Variants in CFAP46 observed in about 807,000 individuals in gnomAD.
CFAP46 encodes the protein cilia- and flagella-associated protein 46.
CFAP46 carries 245 observed loss-of-function variants against 325.7 expected under a neutral mutation model. The observed-to-expected ratio is 0.75, with a 90% CI of 0.68 to 0.84. The LOEUF (loss-of-function observed/expected upper bound fraction) is 0.84. CFAP46 is among the 40% of genes least tolerant of loss of function. The probability of loss-of-function intolerance (pLI) is 0.00; values close to 1 mark genes in which losing one functional copy is unlikely to be tolerated. For synonymous variants in CFAP46, 1,523 were observed against 1,495.9 expected (o/e 1.02, Z -0.42); for missense variants, 3,346 against 3,543.0 (o/e 0.94, Z 1.41).
At chr10:132,810,761 C>T (rs913197) in intron 56 of CFAP46, 189 bp downstream of exon 56, 81,489 of 733,826 alleles carry the variant, frequency 0.11, 4,806 homozygotes, top group Non-Finnish European at 0.13. Context: ...GCCAGGGGCC[C>T]GGCTGAGCCG....
At chr10:132,929,462 A>ACTGTGGTG (rs1849858179) in intron 9 of CFAP46, 2 of 741,494 alleles carry the variant, frequency 2.7e-6, no homozygotes, top group East Asian at 5.1e-5. Context: ...TCTAGAAACA[A>ACTGTGGTG]CTGTGGTGCT....
intron 4 of CFAP46, among the ~76,000 whole-genome samples, chr10:132,940,634 G>A (rs1386376229): frequency 6.6e-6 from 1 of 151,926 alleles, no homozygotes; most frequent in Non-Finnish European, 1.5e-5. Flanking sequence ...CTGGAGTGCA[G>A]TGGCGTGATC....
chr10:132,902,785 T>C (rs1201881043), intron 22 of CFAP46, among the ~76,000 whole-genome samples: 1 of 152,254 alleles, frequency 6.6e-6, no homozygotes, highest in African/African-American at 2.4e-5. Flanking sequence ...TTGGGTTTTG[T>C]TCTGACAGGC....
intron 19 of CFAP46, 43 bp downstream of exon 19, chr10:132,912,604 CCTCTCTCT>C (rs59827475): frequency 0.084 from 110,769 of 1,321,212 alleles, 5,479 homozygotes; most frequent in Middle Eastern, 0.099. Flanking sequence ...TCTCCTCTCT[CCTCTCTCT>C]CTCTCTCTCT....
intron 8 of CFAP46, 152 bp downstream of exon 8, chr10:132,934,600 C>T: frequency 1.6e-6 from 1 of 614,762 alleles, no homozygotes; most frequent in Non-Finnish European, 2.9e-6. Flanking sequence ...CCACAAAAGA[C>T]CAGACAGGAC....
At chr10:132,860,357 A>C (rs1406447130) in intron 37 of CFAP46, 60 bp downstream of exon 37, 1 of 1,361,882 alleles carries the variant, frequency 7.3e-7, no homozygotes, top group African/African-American at 1.5e-5. Flanking sequence ...AAAATTGCAG[A>C]TGGAAAAGAG....
intron 1 of CFAP46, 34 bp from the exon 2 acceptor site, chr10:132,942,138 C>A: frequency 6.5e-7 from 1 of 1,550,162 alleles, no homozygotes; most frequent in South Asian, 1.2e-5. Flanking sequence ...AAGGTTTGGT[C>A]ACTGGGCTGG....
chr10:132,909,848 C>T, intron 20 of CFAP46, 71 bp downstream of exon 20: 1 of 1,341,080 alleles, frequency 7.5e-7, no homozygotes, highest in African/African-American at 1.5e-5. Flanking sequence ...GGCCCCACCA[C>T]CCCCGGCTGT....
At chr10:132,940,369 G>T (rs1850077998) in intron 4 of CFAP46, among the ~76,000 whole-genome samples, 1 of 152,044 alleles carries the variant, frequency 6.6e-6, no homozygotes, top group Non-Finnish European at 1.5e-5. Context: ...AATCAGTTTT[G>T]TGCAAGCTTA....
rs146781168 is a variant in CFAP46 at position 132,828,096 on chromosome 10, G to A, written c.7117+5262C>T. ...TGCTCATCGCCCACTGGGTGTCCAG[G>A]TGTCCGTCCTGTGGGTGATGGATCT... On this transcript the variant is annotated intron_variant, in intron 50 of 57. Transcript: ENST00000368586. The surrounding 1 kb of genome is among the most constrained non-coding windows in gnomAD (Gnocchi z 4.9). 3.0e-4 allele frequency among the ~76,000 whole-genome samples: 45 copies of A among 152,334 alleles called. No individual in the cohort carries two copies. In the East Asian group the frequency reaches 6.7e-3, roughly 23 times the overall value.
chr10:132,888,994 G>C (rs1337941521), intron 25 of CFAP46, among the ~76,000 whole-genome samples: 1 of 152,198 alleles, frequency 6.6e-6, no homozygotes, highest in African/African-American at 2.4e-5. Context: ...CCACCCTCTG[G>C]AGCCTTCTCA....
At chr10:132,928,573 G>C (rs1849844994) in intron 9 of CFAP46, among the ~76,000 whole-genome samples, 1 of 152,208 alleles carries the variant, frequency 6.6e-6, no homozygotes. Context: ...CCCCCGTGCT[G>C]AGCCATGGCC....
At chr10:132,934,663 T>G in intron 8 of CFAP46, 89 bp downstream of exon 8, 1 of 919,588 alleles carries the variant, frequency 1.1e-6, no homozygotes, top group Non-Finnish European at 1.7e-6. Flanking sequence ...TCTAGTTGCT[T>G]GTTTTACATT....
chr10:132,938,578 G>T lies in CFAP46; in HGVS notation c.536+11C>A. 5 of 1,611,588 alleles carry T rather than the reference G, an allele frequency of 3.1e-6. No individual in the cohort carries two copies. The highest frequency in any genetic ancestry group is 4.2e-6 in the Non-Finnish European group (5 of 1,179,298). ...CGGGAGGCCACAGAGGGCACGGCGA[G>T]CTCAACTCACAGCATCAGCTCAGCA... On this transcript the variant is annotated intron_variant, in intron 5 of 57. Coordinates refer to ENST00000368586, the MANE Select transcript of CFAP46 (RefSeq NM_001200049.3).
intron 55 of CFAP46, among the ~76,000 whole-genome samples, chr10:132,812,461 G>A (rs1448565848): frequency 6.6e-6 from 1 of 152,196 alleles, no homozygotes; most frequent in East Asian, 1.9e-4. Context: ...CAGCCTTCCT[G>A]GGCTCCTGGG....
At chr10:132,887,442 CCT>C (rs1849163882) in intron 25 of CFAP46, among the ~76,000 whole-genome samples, 1 of 120,272 alleles carries the variant, frequency 8.3e-6, no homozygotes, top group African/African-American at 3.2e-5. Flanking sequence ...TTTCCTCTCC[CCT>C]CTTCTCTCTC....
In CFAP46 at chr10:132,866,109, C is replaced by T; in HGVS notation, c.4806G>A (p.Trp1602Ter). Residue 1602 changes from tryptophan to a stop codon, truncating the protein, a stop_gained, in exon 35 of 58, where the codon TGG (tryptophan) becomes TGA (stop). Transcript: ENST00000368586. LOFTEE classifies it high-confidence loss of function. ...CCAGCAGAACTTCTGCCTTCAGCAT[C>T]CACAGGTGGGGAAAGGACGTCCCAT... ...DLDGTSFPHLWMLKAEVLLEM... is the reference protein window; with the variant it reads ...DLDGTSFPHL The T allele has an allele frequency of 6.5e-7, 1 of 1,546,260 alleles. No homozygotes were observed.
At chr10:132,821,425 A>C (rs1451010602) in intron 50 of CFAP46, among the ~76,000 whole-genome samples, 1 of 91,476 alleles carries the variant, frequency 1.1e-5, no homozygotes, top group Non-Finnish European at 2.1e-5. Context: ...GTGAGCGCTG[A>C]TGTGTGCTGT....
In CFAP46 at chr10:132,908,594, AG is replaced by A. The variant is rs1260550778; in HGVS notation, c.2797del (p.Leu933TrpfsTer7). On this transcript the variant is annotated frameshift_variant, in exon 22 of 58. Coordinates refer to ENST00000368586, the MANE Select transcript of CFAP46 (RefSeq NM_001200049.3). LOFTEE classifies it high-confidence loss of function. ...CCGCGTCAGGGTCTGCAGCTCCACCAGGGGGTCCGACCAGTTGCACTCGGAA... is the reference window on the plus strand; with the variant it reads ...CCGCGTCAGGGTCTGCAGCTCCACCAGGGGTCCGACCAGTTGCACTCGGAA... ...MASECNWSDP[L>X]VELQTLTRLT... 3 of 1,549,238 alleles carry A rather than the reference AG, an allele frequency of 1.9e-6. No homozygotes were observed. Among genetic ancestry groups the A allele is most frequent in the Admixed American group, 3.9e-5 (2 of 50,876 alleles).
Sources: allele counts gnomAD v4.1 joint callset (sites outside exome capture counted in the v4.1 genomes callset), GRCh38; gene constraint gnomAD v4.1.1; non-coding constraint Gnocchi (gnomAD v3.1); transcripts MANE v1.5; gene names NCBI Gene and HGNC (gene_info 2026-07-23, HGNC 2026-07-21).